Variants in VPS13B observed in about 807,000 individuals in gnomAD.
The protein encoded by VPS13B is vacuolar protein sorting 13 homolog B, also known as intermembrane lipid transfer protein VPS13B.
Under a neutral mutation model 426.4 loss-of-function variants are expected in VPS13B, and 285 were observed. That is an observed-to-expected ratio of 0.67 (90% confidence interval 0.61 to 0.74). The LOEUF (loss-of-function observed/expected upper bound fraction) is 0.74, where lower values mean the gene tolerates loss of function less well. Among genes scored for constraint, VPS13B ranks in the 30% least tolerant of loss-of-function variants. The pLI is 0.00. For missense variants in VPS13B, 4,537 were observed against 4,782.6 expected (o/e 0.95, Z 1.51); for synonymous variants, 1,676 against 1,676.4 (o/e 1.00, Z 0.01).
intron 3 of VPS13B, among the ~76,000 whole-genome samples, chr8:99,048,416 C>G (rs1014748721): frequency 6.6e-6 from 1 of 152,158 alleles, no homozygotes; most frequent in Non-Finnish European, 1.5e-5. Flanking sequence ...GACTTTCTGT[C>G]GTGATAACCT....
chr8:99,747,235 G>A (rs1285754524), intron 39 of VPS13B, among the ~76,000 whole-genome samples: 1 of 149,730 alleles, frequency 6.7e-6, no homozygotes, highest in Non-Finnish European at 1.5e-5. Flanking sequence ...TCAGGGATGG[G>A]ATCCAAAGAG....
chr8:99,438,089 TC>T (rs1353517825), intron 22 of VPS13B, among the ~76,000 whole-genome samples: 2 of 150,998 alleles, frequency 1.3e-5, no homozygotes, highest in Non-Finnish European at 2.9e-5. Flanking sequence ...ACTGAAGTCT[TC>T]TGAGTTTAAT....
intron 17 of VPS13B, among the ~76,000 whole-genome samples, chr8:99,219,431 G>A (rs567444295): frequency 6.6e-5 from 10 of 152,212 alleles, no homozygotes; most frequent in Non-Finnish European, 1.3e-4. Flanking sequence ...CAAAATGAGG[G>A]TTAAAGTTTC....
intron 2 of VPS13B, among the ~76,000 whole-genome samples, chr8:99,037,808 T>C (rs1842813501): frequency 6.6e-6 from 1 of 151,184 alleles, no homozygotes; most frequent in South Asian, 2.1e-4. Context: ...TAGTATCCAG[T>C]TCAATTTTAC....
intron 15 of VPS13B, among the ~76,000 whole-genome samples, chr8:99,163,733 C>G (rs1207730787): frequency 6.6e-6 from 1 of 152,216 alleles, no homozygotes; most frequent in African/African-American, 2.4e-5. Context: ...AGAACTCCAG[C>G]TGGCCTGCAA....
At chr8:99,428,203 G>T (rs935626537) in intron 21 of VPS13B, among the ~76,000 whole-genome samples, 37 of 152,204 alleles carry the variant, frequency 2.4e-4, no homozygotes, top group Non-Finnish European at 4.1e-4. Flanking sequence ...ATCCTAGGCA[G>T]TACCATTCAG....
chr8:99,638,406 A>G (rs1829155573), intron 33 of VPS13B, among the ~76,000 whole-genome samples: 1 of 152,090 alleles, frequency 6.6e-6, no homozygotes, highest in Admixed American at 6.6e-5. Flanking sequence ...TAATAAACAT[A>G]CTCAGTGGTA....
intron 17 of VPS13B, chr8:99,234,141 G>T (rs1364656364): frequency 2.5e-6 from 2 of 784,370 alleles, no homozygotes; most frequent in South Asian, 1.3e-5. Context: ...GCTCGCTGAG[G>T]GGGTAAAGGG....
chr8:99,627,436 G>A (rs1281837660), intron 33 of VPS13B, among the ~76,000 whole-genome samples: 3 of 151,888 alleles, frequency 2.0e-5, no homozygotes, highest in Admixed American at 6.6e-5. Flanking sequence ...ATTTATTTGA[G>A]GTGGAATCTC....
chr8:99,102,876 A>C, intron 4 of VPS13B, 77 bp from the exon 5 acceptor site: 1 of 1,350,016 alleles, frequency 7.4e-7, no homozygotes, highest in East Asian at 2.3e-5. Flanking sequence ...TCATACATTA[A>C]GTTCAATAAC....
At chr8:99,126,653 A>T (rs1242122104) in intron 8 of VPS13B, among the ~76,000 whole-genome samples, 1 of 152,244 alleles carries the variant, frequency 6.6e-6, no homozygotes, top group Admixed American at 6.5e-5. Context: ...GGATTGATTT[A>T]TGAGTCTAAG....
At chr8:99,271,047 T>C (rs1818564120) in intron 17 of VPS13B, among the ~76,000 whole-genome samples, 1 of 152,088 alleles carries the variant, frequency 6.6e-6, no homozygotes, top group Admixed American at 6.6e-5. Flanking sequence ...TAATAGCTCC[T>C]AAGGATTATT....
At chr8:99,221,159 G>A (rs1021593642) in intron 17 of VPS13B, among the ~76,000 whole-genome samples, 3 of 134,072 alleles carry the variant, frequency 2.2e-5, no homozygotes, top group Non-Finnish European at 4.7e-5. Context: ...TGGTGTATAT[G>A]TGCCACATTT....
chr8:99,214,129 C>G (rs1815263171), intron 17 of VPS13B, among the ~76,000 whole-genome samples: 1 of 152,190 alleles, frequency 6.6e-6, no homozygotes, highest in South Asian at 2.1e-4. Flanking sequence ...CTTTTGCCTT[C>G]TATCCAATTC....
intron 21 of VPS13B, among the ~76,000 whole-genome samples, chr8:99,428,430 C>G (rs1008851627): frequency 1.3e-5 from 2 of 152,054 alleles, no homozygotes; most frequent in African/African-American, 4.8e-5. Flanking sequence ...TGAACTCAAA[C>G]AAATTTACAA....
chr8:99,470,880 A>T (rs550684798), intron 24 of VPS13B, among the ~76,000 whole-genome samples: 1 of 152,068 alleles, frequency 6.6e-6, no homozygotes, highest in African/African-American at 2.4e-5. Flanking sequence ...CGAAAAATAA[A>T]TTTTTTAAAA....
At chr8:99,751,532 C>T (rs913699603) in intron 39 of VPS13B, among the ~76,000 whole-genome samples, 3 of 152,150 alleles carry the variant, frequency 2.0e-5, no homozygotes, top group African/African-American at 7.2e-5. Context: ...TCTATGAAGT[C>T]ACGAATCATG....
chr8:99,428,594 A>G (rs1354972223), intron 21 of VPS13B, among the ~76,000 whole-genome samples: 2 of 152,220 alleles, frequency 1.3e-5, no homozygotes, highest in Non-Finnish European at 2.9e-5. Context: ...ATACCATCTC[A>G]CACCAGTTAG....
intron 19 of VPS13B, among the ~76,000 whole-genome samples, chr8:99,305,057 C>G (rs915367647): frequency 3.9e-5 from 6 of 152,088 alleles, no homozygotes; most frequent in Admixed American, 6.6e-5. Context: ...ATAGAAAGCT[C>G]CCTAATTTTC....
Sources: gnomAD v4.1 joint callset for allele counts (sites outside exome capture counted in the v4.1 genomes callset) on GRCh38, gnomAD v4.1.1 for gene constraint, MANE v1.5 for transcripts, NCBI Gene and HGNC (gene_info 2026-07-23, HGNC 2026-07-21) for gene names.